SETX: variants seen among roughly 807,000 people sequenced by gnomAD.
The protein encoded by SETX is helicase senataxin.
SETX carries 90 observed loss-of-function variants against 227.2 expected under a neutral mutation model. The ratio of observed to expected loss-of-function variants is 0.40; its 90% confidence interval spans 0.33 to 0.47. The LOEUF is 0.47. SETX is among the 20% of genes least tolerant of loss of function. The pLI is 0.91. For synonymous variants in SETX, 1,210 were observed against 1,113.2 expected, an observed-to-expected ratio of 1.09 and a Z score of -1.73; for missense variants, 3,052 against 3,181.5, an observed-to-expected ratio of 0.96 and a Z score of 0.98.
At chr9:132,340,195 TTTTC>T (rs762674190) in intron 5 of SETX, among the ~76,000 whole-genome samples, 15 of 152,194 alleles carry the variant, frequency 9.9e-5, no homozygotes, top group African/African-American at 2.2e-4. Context: ...GGTTCTCACA[TTTTC>T]TTTCTTTTTT....
At chr9:132,296,067 A>G in intron 14 of SETX, 39 bp from the exon 15 acceptor site, 1 of 1,612,710 alleles carries the variant, frequency 6.2e-7, no homozygotes, top group Non-Finnish European at 8.5e-7. Flanking sequence ...CAAACACACA[A>G]AAAATATGGG....
intron 10 of SETX, among the ~76,000 whole-genome samples, chr9:132,313,871 G>T (rs909689330): frequency 6.7e-6 from 1 of 149,260 alleles, no homozygotes; most frequent in South Asian, 2.1e-4. Context: ...CTGAACATAA[G>T]AACATTTAGA....
At chr9:132,268,585 G>A (rs1450999530) in intron 25 of SETX, among the ~76,000 whole-genome samples, 1 of 152,158 alleles carries the variant, frequency 6.6e-6, no homozygotes, top group African/African-American at 2.4e-5. Flanking sequence ...GATTACCCCA[G>A]TGAATCTTAG....
chr9:132,327,931 A>C lies in SETX; in HGVS notation c.3667T>G (p.Ser1223Ala). ...QRATTVSQKK[S>A]SKLCTCTEPI... is the part of the protein sequence containing the mutation. ...TCTGTACAAGTACAAAGCTTTGAAGACTTCTTTTGTGAAACCGTAGTGGCT... is the reference window on the plus strand; with the variant it reads ...TCTGTACAAGTACAAAGCTTTGAAGCCTTCTTTTGTGAAACCGTAGTGGCT... The change falls in exon 10 of 26, where the codon TCT becomes GCT. Residue 1223 changes from serine to alanine, a missense_variant. This residue lies in a region of SETX where 1,483 missense variants were observed against 1,312.0 expected (regional missense o/e 1.13). Transcript: ENST00000224140. 6.2e-7 allele frequency: 1 copy of C among 1,614,066 alleles called. No homozygotes were observed. The highest frequency in any genetic ancestry group is 8.5e-7 in the Non-Finnish European group (1 of 1,180,002).
chr9:132,308,657 G>A (rs570978687), intron 11 of SETX, among the ~76,000 whole-genome samples: 1 of 152,244 alleles, frequency 6.6e-6, no homozygotes, highest in Non-Finnish European at 1.5e-5. Flanking sequence ...AACTGAAGAT[G>A]ACATGCAAAA....
intron 3 of SETX, among the ~76,000 whole-genome samples, chr9:132,348,566 T>A (rs1848438923): frequency 6.6e-6 from 1 of 152,106 alleles, no homozygotes; most frequent in Admixed American, 6.6e-5. Flanking sequence ...TTCAATTCCA[T>A]CCGTGATAAA....
chr9:132,337,978 T>C lies in SETX; in HGVS notation c.499-1463A>G, dbSNP rs117713870. Among the ~76,000 whole-genome samples the C allele has an allele frequency of 3.3e-4, 50 of 152,092 alleles. 1 individual carries two copies. In the East Asian group the frequency reaches 9.7e-3, roughly 29 times the overall value. ...AGGATATGGCGTGCCTCTGTCTACA[T>C]ATGACAAGCTGAGAAGGACAGTAAC... On this transcript the variant is annotated intron_variant, in intron 5 of 25. Coordinates refer to ENST00000224140, the MANE Select transcript of SETX (RefSeq NM_015046.7).
At chr9:132,289,854 T>G (rs1844184436) in intron 15 of SETX, among the ~76,000 whole-genome samples, 1 of 152,256 alleles carries the variant, frequency 6.6e-6, no homozygotes, top group African/African-American at 2.4e-5. Flanking sequence ...CTTCTTGTCC[T>G]TTTGGTTTTA....
Position 132,326,499 on chromosome 9 carries a change from G to A in SETX, c.5099C>T (p.Thr1700Ile), listed in dbSNP as rs759373279. ...CCATTTTAAGACCTCTTTAACGAAGGTGTCAGAGACAGACTGTGATGACAA... is the reference window on the plus strand; with the variant it reads ...CCATTTTAAGACCTCTTTAACGAAGATGTCAGAGACAGACTGTGATGACAA... ...ILLSSQSVSDTFVKEVLKWKY... is the reference protein window; with the variant it reads ...ILLSSQSVSDIFVKEVLKWKY... The change falls in exon 10 of 26, where the codon ACC (threonine) becomes ATC (isoleucine). Residue 1700 changes from threonine (T) to isoleucine (I), a missense_variant. Thr to Ile is a moderately conservative substitution (Grantham distance 89). Coordinates refer to ENST00000224140, the MANE Select transcript of SETX (RefSeq NM_015046.7). 5.6e-6 allele frequency: 9 copies of A among 1,614,200 alleles called. No homozygotes were observed. Among genetic ancestry groups the A allele is most frequent in the South Asian group, 5.5e-5 (5 of 91,082 alleles).
chr9:132,296,213 T>C (rs750452423), intron 14 of SETX, among the ~76,000 whole-genome samples, 185 bp from the exon 15 acceptor site: 6 of 152,228 alleles, frequency 3.9e-5, no homozygotes, highest in Admixed American at 1.3e-4. Flanking sequence ...AAAAAATTTG[T>C]CATAACTGCT....
intron 11 of SETX, among the ~76,000 whole-genome samples, chr9:132,302,879 T>C (rs11243721): frequency 0.32 from 48,186 of 151,926 alleles, 11,010 homozygotes; most frequent in East Asian, 0.67. Context: ...AAAACGGTGT[T>C]TAAAAGCAGA....
Position 132,333,194 on chromosome 9 carries a change from C to T in SETX, c.838+1414G>A, listed in dbSNP as rs560037436. Among the ~76,000 whole-genome samples the T allele has an allele frequency of 6.5e-4, 98 of 151,032 alleles. 1 individual carries two copies. The highest frequency in any genetic ancestry group is 2.0e-3 in the African/African-American group (84 of 41,162). On this transcript the variant is annotated intron_variant, in intron 7 of 25. Coordinates refer to ENST00000224140, the MANE Select transcript of SETX (RefSeq NM_015046.7). ...AGGAGTTCAAGACCAGCCTGGAAAA[C>T]ATAGTGAAACACCATCTCTACTAAA...
intron 10 of SETX, 104 bp downstream of exon 10, chr9:132,326,220 C>T: frequency 1.1e-6 from 1 of 919,630 alleles, no homozygotes; most frequent in Non-Finnish European, 1.7e-6. Flanking sequence ...GTGCCCGCAA[C>T]CACGCCTGGC....
intron 10 of SETX, among the ~76,000 whole-genome samples, chr9:132,312,465 T>A (rs1043160662): frequency 2.6e-5 from 4 of 152,246 alleles, no homozygotes; most frequent in Non-Finnish European, 5.9e-5. Flanking sequence ...TTTAAAAAAC[T>A]AACAAATATA....
rs201574662 is a variant in SETX at position 132,349,234 on chromosome 9, C to T, written c.177+18G>A. The T allele has an allele frequency of 8.7e-6, 14 of 1,611,566 alleles. No homozygotes were observed. In the East Asian group the frequency reaches 3.1e-4, roughly 36 times the overall value. Reference sequence around the variant, plus strand: ...GCTATCAAGCTCTGAAAAATATTGCCCATCTAATATATTTTACCTCATGCA... The same window carrying T: ...GCTATCAAGCTCTGAAAAATATTGCTCATCTAATATATTTTACCTCATGCA... On this transcript the variant is annotated intron_variant, in intron 3 of 25. Transcript: ENST00000224140.
intron 22 of SETX, among the ~76,000 whole-genome samples, 160 bp from the exon 23 acceptor site, chr9:132,275,580 T>C (rs1843121488): frequency 6.6e-6 from 1 of 152,192 alleles, no homozygotes; most frequent in South Asian, 2.1e-4. Context: ...GCTGTTACAA[T>C]GACCATTAAT....
chr9:132,280,182 G>C (rs112047175), intron 20 of SETX, among the ~76,000 whole-genome samples: 116 of 152,238 alleles, frequency 7.6e-4, no homozygotes, highest in Middle Eastern at 3.4e-3. Context: ...ATTACCACTA[G>C]AAACAGGTGG....
At chr9:132,323,872 C>A (rs1169122716) in intron 10 of SETX, among the ~76,000 whole-genome samples, 2 of 151,644 alleles carry the variant, frequency 1.3e-5, no homozygotes, top group Non-Finnish European at 2.9e-5. Context: ...CACTGTACTC[C>A]AGCCTGGGGG....
At chr9:132,270,793 A>G (rs1842867539) in intron 24 of SETX, among the ~76,000 whole-genome samples, 1 of 152,218 alleles carries the variant, frequency 6.6e-6, no homozygotes. Flanking sequence ...CCAGATAAAT[A>G]TTTCAGTAGA....
Sources: allele counts gnomAD v4.1 joint callset (sites outside exome capture counted in the v4.1 genomes callset), GRCh38; gene constraint gnomAD v4.1.1; regional missense constraint gnomAD v4.1.1; transcripts MANE v1.5; gene names NCBI Gene and HGNC (gene_info 2026-07-23, HGNC 2026-07-21).